The following ASTN2 variants were observed in gnomAD, a reference collection of about 807,000 sequenced individuals.
ASTN2 encodes astrotactin 2.
In ASTN2, 54 loss-of-function variants were observed where a neutral mutation model predicts 139.8. The observed-to-expected ratio is 0.39, with a 90% CI of 0.31 to 0.48. The LOEUF is 0.48. Among genes scored for constraint, ASTN2 ranks in the 20% least tolerant of loss-of-function variants. ASTN2 has a pLI of 0.95. For missense variants in ASTN2, 1,565 were observed against 1,725.1 expected (o/e 0.91, Z 1.64); for synonymous variants, 756 against 719.5 (o/e 1.05, Z -0.81).
intron 10 of ASTN2, among the ~76,000 whole-genome samples, chr9:116,958,930 A>C (rs998931672): frequency 1.3e-5 from 2 of 152,188 alleles, no homozygotes; most frequent in Non-Finnish European, 2.9e-5. Context: ...TTTTGTGCTG[A>C]AAAAACTATT....
intron 2 of ASTN2, among the ~76,000 whole-genome samples, chr9:117,262,505 C>T (rs752948348): frequency 6.6e-6 from 1 of 151,974 alleles, no homozygotes; most frequent in Non-Finnish European, 1.5e-5. Flanking sequence ...CCCTTCAACA[C>T]CCTCAATCCA....
rs563743772 is a variant in ASTN2, at chr9:116,527,507, C to A, written c.3356-40007G>T. On this transcript the variant is annotated intron_variant, in intron 19 of 22. Coordinates refer to ENST00000313400, the MANE Select transcript of ASTN2 (RefSeq NM_001365068.1). ...CTCACACTGTTAGAATGGCTACTAT[C>A]AAAAAGATGAAAAGTAAATGTTGGC... Among the ~76,000 whole-genome samples the A allele has an allele frequency of 3.3e-5, 5 of 152,206 alleles. No homozygotes were observed. In the East Asian group the frequency reaches 9.6e-4, roughly 29 times the overall value.
Position 116,944,719 on chromosome 9 carries a change from T to C in ASTN2, c.1889+30489A>G, listed in dbSNP as rs150379811. Among the ~76,000 whole-genome samples the C allele has an allele frequency of 4.6e-3, 666 of 144,084 alleles. 7 individuals carry two copies. Among genetic ancestry groups the C allele is most frequent in the African/African-American group, 0.017 (645 of 38,552 alleles). The allele number at this position is 144,084 out of a possible 152,430, so 94.5% of individuals were successfully genotyped here. On this transcript the variant is annotated intron_variant, in intron 10 of 22. Transcript: ENST00000313400. Reference sequence around the variant, plus strand: ...AAAAAAAAAAGCAGATGCAAAGATATGAATGTACATAGTAGGGTATGTTTG... The same window carrying C: ...AAAAAAAAAAGCAGATGCAAAGATACGAATGTACATAGTAGGGTATGTTTG...
chr9:116,472,785 C>T (rs113490878), intron 20 of ASTN2, among the ~76,000 whole-genome samples: 15 of 151,640 alleles, frequency 9.9e-5, no homozygotes, highest in African/African-American at 1.7e-4. Context: ...GTGGTGGCGG[C>T]GGCGGAGGGG....
At chr9:117,242,652 G>A (rs1339477542) in intron 2 of ASTN2, among the ~76,000 whole-genome samples, 2 of 152,226 alleles carry the variant, frequency 1.3e-5, no homozygotes, top group African/African-American at 2.4e-5. Flanking sequence ...TTCTCAAGAG[G>A]AAGCAAGTGG....
intron 11 of ASTN2, among the ~76,000 whole-genome samples, chr9:116,823,312 T>C (rs1392666343): frequency 6.6e-6 from 1 of 152,174 alleles, no homozygotes; most frequent in African/African-American, 2.4e-5. Flanking sequence ...TTCCCAACTT[T>C]GTTGCTATTA....
intron 13 of ASTN2, among the ~76,000 whole-genome samples, chr9:116,734,367 T>G (rs1478330067): frequency 6.6e-6 from 1 of 152,154 alleles, no homozygotes; most frequent in Non-Finnish European, 1.5e-5. Context: ...GTTTCATTCT[T>G]CTAGACAATA....
At chr9:116,779,647 C>T (rs190375220) in intron 13 of ASTN2, among the ~76,000 whole-genome samples, 1 of 152,268 alleles carries the variant, frequency 6.6e-6, no homozygotes, top group East Asian at 1.9e-4. Context: ...TAAGGTTCCT[C>T]AAACTCCAGG....
At chr9:116,889,720 TACACACACACACACACACACAC>T (rs9299242) in intron 10 of ASTN2, among the ~76,000 whole-genome samples, 3,092 of 136,678 alleles carry the variant, frequency 0.023, 110 homozygotes, top group African/African-American at 0.079. Context: ...ACCTTGTCTC[TACACACACACACACACACACAC>T]ACACACACAC....
intron 1 of ASTN2, among the ~76,000 whole-genome samples, chr9:117,291,982 A>G (rs1022241885): frequency 6.6e-6 from 1 of 152,130 alleles, no homozygotes; most frequent in Non-Finnish European, 1.5e-5. Context: ...GAGAGCACCA[A>G]CTCAGCTGAG....
intron 19 of ASTN2, among the ~76,000 whole-genome samples, chr9:116,503,995 C>T (rs1463898972): frequency 6.6e-6 from 1 of 152,106 alleles, no homozygotes; most frequent in African/African-American, 2.4e-5. Flanking sequence ...GTGCAGTGCC[C>T]ACTTCTGGAC....
At chr9:117,184,282 G>C (rs560673160) in intron 3 of ASTN2, among the ~76,000 whole-genome samples, 8 of 152,188 alleles carry the variant, frequency 5.3e-5, no homozygotes, top group Non-Finnish European at 7.3e-5. Context: ...ACACTGCCAA[G>C]GACATAGCTG....
chr9:116,692,499 A>T (rs1860621772), intron 16 of ASTN2, among the ~76,000 whole-genome samples: 1 of 152,222 alleles, frequency 6.6e-6, no homozygotes, highest in Admixed American at 6.5e-5. Context: ...CTTTGCAATA[A>T]CTTTGTGAGG....
In ASTN2 at chr9:116,830,613, G is replaced by A. The variant is rs1389121778; in HGVS notation, c.2041-9830C>T. On this transcript the variant is annotated intron_variant, in intron 11 of 22. Coordinates refer to ENST00000313400, the MANE Select transcript of ASTN2 (RefSeq NM_001365068.1). Reference sequence around the variant, plus strand: ...TTGAGACCAGCCTGGCCAACATGGTGAAACCCTGTCTCTACTAAAAGTACA... The same window carrying A: ...TTGAGACCAGCCTGGCCAACATGGTAAAACCCTGTCTCTACTAAAAGTACA... 1.0e-4 allele frequency among the ~76,000 whole-genome samples: 15 copies of A among 147,898 alleles called. No homozygotes were observed. The South Asian group carries it at 1.1e-3, about 11-fold the overall frequency.
At chr9:117,204,652 A>G (rs1831853532) in intron 3 of ASTN2, among the ~76,000 whole-genome samples, 1 of 152,216 alleles carries the variant, frequency 6.6e-6, no homozygotes, top group Non-Finnish European at 1.5e-5. Flanking sequence ...TAACTGATGT[A>G]GAAACTGATT....
intron 12 of ASTN2, among the ~76,000 whole-genome samples, chr9:116,814,406 T>C (rs560524479): frequency 1.2e-4 from 18 of 151,724 alleles, no homozygotes; most frequent in Non-Finnish European, 2.1e-4. Context: ...AAATTTAGAG[T>C]TTCTAGAAAA....
intron 1 of ASTN2, among the ~76,000 whole-genome samples, chr9:117,383,303 G>A (rs956980065): frequency 7.2e-5 from 11 of 152,194 alleles, no homozygotes; most frequent in Admixed American, 7.2e-4. Flanking sequence ...TTTATAGCAG[G>A]TCAAAAATAG....
intron 22 of ASTN2, among the ~76,000 whole-genome samples, chr9:116,439,631 A>G (rs1847781997): frequency 1.3e-5 from 2 of 152,226 alleles, no homozygotes; most frequent in African/African-American, 4.8e-5. Context: ...TTCCACTGTC[A>G]TGTAACATTT....
chr9:117,410,061 C>A (rs1279904881), intron 1 of ASTN2, among the ~76,000 whole-genome samples: 1 of 152,220 alleles, frequency 6.6e-6, no homozygotes, highest in Non-Finnish European at 1.5e-5. Context: ...CACACTCCCT[C>A]CCCCAAATAC....
Sources: allele counts gnomAD v4.1 joint callset (sites outside exome capture counted in the v4.1 genomes callset), GRCh38; gene constraint gnomAD v4.1.1; transcripts MANE v1.5; gene names NCBI Gene and HGNC (gene_info 2026-07-23, HGNC 2026-07-21).